The following UNC13C variants were observed in gnomAD, a reference collection of about 807,000 sequenced individuals.
UNC13C encodes the protein protein unc-13 homolog C.
UNC13C carries 174 observed loss-of-function variants against 245.4 expected under a neutral mutation model. That is an observed-to-expected ratio of 0.71 (90% CI 0.63 to 0.80). The LOEUF is 0.80. Ranked by LOEUF, UNC13C falls within the 30% of genes least tolerant of loss-of-function variation. The pLI is 0.00. For missense variants in UNC13C, 2,829 were observed against 2,602.9 expected, an observed-to-expected ratio of 1.09 and a Z score of -1.89; for synonymous variants, 992 against 895.1, an observed-to-expected ratio of 1.11 and a Z score of -1.93.
chr15:54,042,899 C>T (rs554218008), intron 2 of UNC13C, among the ~76,000 whole-genome samples: 1 of 152,174 alleles, frequency 6.6e-6, no homozygotes, highest in South Asian at 2.1e-4. Flanking sequence ...TGAGAATCTA[C>T]TGCGCATAAC....
At chr15:54,100,051 G>A (rs1261032673) in intron 2 of UNC13C, among the ~76,000 whole-genome samples, 5 of 138,902 alleles carry the variant, frequency 3.6e-5, no homozygotes, top group Non-Finnish European at 7.5e-5. Context: ...AGTCAGCAAA[G>A]ATCCTGCTAC....
At chr15:53,844,695 C>T in the UNC13C span, among the ~76,000 whole-genome samples, 1 of 152,006 alleles carries the variant, frequency 6.6e-6, no homozygotes, top group Non-Finnish European at 1.5e-5. Context: ...CAAGTTTTCT[C>T]AAGTAGAAGG....
At chr15:54,211,128 G>A (rs950160031) in intron 4 of UNC13C, among the ~76,000 whole-genome samples, 2 of 151,970 alleles carry the variant, frequency 1.3e-5, no homozygotes, top group African/African-American at 4.8e-5. Context: ...ATTTGACCAG[G>A]GAATCATTTC....
intron 17 of UNC13C, among the ~76,000 whole-genome samples, chr15:54,386,694 C>T (rs2039844953): frequency 6.6e-6 from 1 of 152,136 alleles, no homozygotes; most frequent in African/African-American, 2.4e-5. Flanking sequence ...ATGGTCTAGA[C>T]ATTATTCATT....
intron 4 of UNC13C, among the ~76,000 whole-genome samples, chr15:54,221,248 T>A (rs2035215967): frequency 1.3e-5 from 2 of 152,028 alleles, no homozygotes; most frequent in Admixed American, 6.6e-5. Context: ...TTTTTCACAA[T>A]GTTGTATAAA....
At position 54,168,590 on chromosome 15, in the gene UNC13C, C is replaced by T. The variant is rs897982223; in HGVS notation, c.3071+24906C>T. 5.3e-5 allele frequency among the ~76,000 whole-genome samples: 8 copies of T among 152,168 alleles called. No homozygotes were observed. In the East Asian group the frequency reaches 5.8e-4, roughly 11 times the overall value. ...ATTTAATAGAAAGGGTTTTTGGCCA[C>T]GGTCATTTTATTCTTGGACAGCTCA... is the stretch of plus-strand genomic sequence containing the variant. On this transcript the variant is annotated intron_variant, in intron 4 of 32. Transcript: ENST00000260323.
intron 2 of UNC13C, among the ~76,000 whole-genome samples, chr15:54,141,545 T>C (rs1210498505): frequency 3.3e-5 from 5 of 152,038 alleles, no homozygotes; most frequent in Non-Finnish European, 7.4e-5. Context: ...TTTGAACAAC[T>C]AGAAGGTTTT....
chr15:54,519,689 TA>T (rs540627292), intron 24 of UNC13C, among the ~76,000 whole-genome samples: 62 of 152,260 alleles, frequency 4.1e-4, no homozygotes, highest in African/African-American at 1.3e-3. Flanking sequence ...AGAGGCATTT[TA>T]AAACGAAACA....
chr15:54,352,848 A>G (rs113706065), intron 17 of UNC13C, among the ~76,000 whole-genome samples: 2 of 152,210 alleles, frequency 1.3e-5, no homozygotes, highest in African/African-American at 4.8e-5. Context: ...CTCTCTATAG[A>G]GGTGTTCAAT....
intron 2 of UNC13C, among the ~76,000 whole-genome samples, chr15:54,087,243 A>C (rs1899296552): frequency 6.6e-6 from 1 of 152,148 alleles, no homozygotes; most frequent in South Asian, 2.1e-4. Flanking sequence ...TAAATCAAAG[A>C]GTCTTAAAAT....
Position 54,023,748 on chromosome 15 carries a change from G to T in UNC13C, c.2983+7862G>T, listed in dbSNP as rs780654977. Reference sequence around the variant, plus strand: ...ACCTGTATTTGCAGGGAAGCTAAAGGCATGGTGCATTTTTTGAGGAAAATA... The same window carrying T: ...ACCTGTATTTGCAGGGAAGCTAAAGTCATGGTGCATTTTTTGAGGAAAATA... On this transcript the variant is annotated intron_variant, in intron 2 of 32. Transcript: ENST00000260323. Among the ~76,000 whole-genome samples the T allele has an allele frequency of 8.5e-5, 13 of 152,150 alleles. 1 individual carries two copies. Among genetic ancestry groups the T allele is most frequent in the Non-Finnish European group, 2.9e-5 (2 of 68,030 alleles).
In UNC13C at chr15:54,013,370, G is replaced by T. The variant is rs1232919187; in HGVS notation, c.467G>T (p.Ser156Ile). Reference sequence around the variant, plus strand: ...ATGCCAGTTAGACGCAACAGAAAGAGTTCAAGCAGCCTTGCACCCTCTGAG... The same window carrying T: ...ATGCCAGTTAGACGCAACAGAAAGATTTCAAGCAGCCTTGCACCCTCTGAG... ...HTMPVRRNRK[S>I]SSSLAPSEGS... Residue 156 changes from serine (S) to isoleucine (I), a missense_variant, in exon 2 of 33, where the codon AGT (serine) becomes ATT (isoleucine). Transcript: ENST00000260323. 1.2e-6 allele frequency: 2 copies of T among 1,613,762 alleles called. No homozygotes were observed. The highest frequency in any genetic ancestry group is 2.7e-5 in the African/African-American group (2 of 74,918).
chr15:54,246,336 A>G (rs1042975003), intron 7 of UNC13C, among the ~76,000 whole-genome samples: 2 of 152,110 alleles, frequency 1.3e-5, no homozygotes, highest in African/African-American at 4.8e-5. Context: ...ACTCATTTCT[A>G]CAGGTAAACA....
At chr15:54,314,004 T>C (rs2037943214) in intron 13 of UNC13C, among the ~76,000 whole-genome samples, 1 of 151,446 alleles carries the variant, frequency 6.6e-6, no homozygotes, top group Non-Finnish European at 1.5e-5. Flanking sequence ...CCTGGGAATA[T>C]TATGGTTAAG....
At chr15:54,450,798 GC>G (rs1891131613) in intron 19 of UNC13C, among the ~76,000 whole-genome samples, 2 of 152,138 alleles carry the variant, frequency 1.3e-5, no homozygotes, top group Admixed American at 1.3e-4. Flanking sequence ...TGTCCGACAA[GC>G]CCTAGTGAGA....
chr15:53,922,623 T>C, the UNC13C span, among the ~76,000 whole-genome samples: 1,125 of 152,302 alleles, frequency 7.4e-3, 11 homozygotes, highest in African/African-American at 0.025. Context: ...AACAACCCTC[T>C]TGTGTTTTAT....
intron 2 of UNC13C, among the ~76,000 whole-genome samples, chr15:54,117,448 T>C (rs574390130): frequency 3.9e-5 from 6 of 152,256 alleles, no homozygotes; most frequent in Non-Finnish European, 7.4e-5. Flanking sequence ...ATATGATTGT[T>C]GTATATGATG....
chr15:54,542,559 A>G (rs1896295438), intron 26 of UNC13C, among the ~76,000 whole-genome samples: 2 of 152,000 alleles, frequency 1.3e-5, no homozygotes, highest in Admixed American at 6.6e-5. Context: ...ATCCTTGTTA[A>G]TTTTCTGTCT....
intron 4 of UNC13C, among the ~76,000 whole-genome samples, chr15:54,160,070 A>G (rs919991550): frequency 3.3e-5 from 5 of 152,144 alleles, no homozygotes; most frequent in Non-Finnish European, 7.4e-5. Context: ...TATATGATAC[A>G]TCACGGAAAA....
Sources: allele counts gnomAD v4.1 joint callset (sites outside exome capture counted in the v4.1 genomes callset), GRCh38; gene constraint gnomAD v4.1.1; transcripts MANE v1.5; gene names NCBI Gene and HGNC (gene_info 2026-07-23, HGNC 2026-07-21).